Variants in LCK observed in about 807,000 individuals in gnomAD.
The protein encoded by LCK is tyrosine-protein kinase Lck.
In LCK, 14 loss-of-function variants were observed where a neutral mutation model predicts 64.6. That is an observed-to-expected ratio of 0.22 (90% confidence interval 0.14 to 0.34). LCK has a LOEUF of 0.34. LCK is among the 10% of genes least tolerant of loss of function. The pLI is 1.00. For missense variants in LCK, 434 were observed against 668.1 expected (o/e 0.65, Z 3.86); for synonymous variants, 277 against 263.6 (o/e 1.05, Z -0.49).
rs935595513 is a variant in LCK, at chr1:32,276,246, C to T, written c.632-91C>T. The T allele has an allele frequency of 4.0e-6, 6 of 1,494,240 alleles. No homozygotes were observed. The African/African-American group carries it at 5.6e-5, about 14-fold the overall frequency. 92.6% of individuals were successfully genotyped at this position (1,494,240 alleles called of 1,614,324 possible). On this transcript the variant is annotated intron_variant, in intron 7 of 12. Transcript: ENST00000336890. This position sits in a 1 kb window ranked among gnomAD's most constrained non-coding sequence, Gnocchi z 4.6. The stretch of plus-strand genomic sequence containing the variant: ...CCCACACCCCCTTGCTAGTCCACTT[C>T]ACCTAGATGGGGGCTTGGAGAAGTG...
At chr1:32,284,313 AGAGATATATATATGT>A (rs1640554013) in intron 12 of LCK, among the ~76,000 whole-genome samples, 1 of 147,720 alleles carries the variant, frequency 6.8e-6, no homozygotes, top group Admixed American at 6.8e-5. Flanking sequence ...TATATCTGTG[AGAGATATATATATGT>A]GAGATATATA....
chr1:32,280,517 G>A (rs1369886466), intron 12 of LCK, among the ~76,000 whole-genome samples: 4 of 132,770 alleles, frequency 3.0e-5, no homozygotes, highest in Non-Finnish European at 4.6e-5. Context: ...GTGCAGTGGC[G>A]CCATCTTGGA....
chr1:32,285,879 G>C lies in LCK; in HGVS notation c.*163G>C. ...CACCTTGTGTCTGTACACGTGTCCT[G>C]TAGTTGCGTGGACTCTGCACATGTC... is the stretch of plus-strand genomic sequence containing the variant. On this transcript the variant is annotated 3_prime_UTR_variant, in exon 13 of 13. Coordinates refer to ENST00000336890, the MANE Select transcript of LCK (RefSeq NM_005356.5). The C allele has an allele frequency of 5.8e-6, 4 of 694,832 alleles. No homozygotes were observed. The highest frequency in any genetic ancestry group is 9.8e-6 in the Non-Finnish European group (4 of 409,728). 43.0% of individuals were successfully genotyped at this position (694,832 alleles called of 1,614,324 possible).
chr1:32,279,950 G>A lies in LCK; in HGVS notation c.1151G>A (p.Gly384Asp). The A allele has an allele frequency of 6.2e-7, 1 of 1,614,184 alleles. No individual in the cohort carries two copies. The highest frequency in any genetic ancestry group is 8.5e-7 in the Non-Finnish European group (1 of 1,180,040). Residue 384 changes from glycine (G) to aspartate (D), a missense_variant, in exon 11 of 13, where the codon GGC (glycine) becomes GAC (aspartate). This residue lies in a region of LCK where 201 missense variants were observed against 376.9 expected (regional missense o/e 0.53). Coordinates refer to ENST00000336890, the MANE Select transcript of LCK (RefSeq NM_005356.5). ...CTGAGCTGCAAGATTGCAGACTTTG[G>A]CCTAGCACGCCTCATTGAGGACAAC... ...DTLSCKIADF[G>D]LARLIEDNEY...
intron 12 of LCK, 82 bp downstream of exon 12, chr1:32,280,292 A>C: frequency 6.4e-7 from 1 of 1,563,390 alleles, no homozygotes; most frequent in Non-Finnish European, 8.7e-7. Context: ...CAGTCTCAGA[A>C]TCTGAAACTT....
chr1:32,275,845 T>TG lies in LCK; in HGVS notation c.482-64dup, dbSNP rs1373187625. 1.3e-6 allele frequency: 2 copies of TG among 1,558,540 alleles called. No individual in the cohort carries two copies. Among genetic ancestry groups the TG allele is most frequent in the African/African-American group, 3.1e-5 (2 of 64,322 alleles). ...TTGGGGGTGCTGGGTGAGCCCAAGG[T>TG]GGGGGCGCGGTGGCGGGCCAGACTC... On this transcript the variant is annotated intron_variant, in intron 6 of 12. Transcript: ENST00000336890. This position sits in a 1 kb window ranked among gnomAD's most constrained non-coding sequence, Gnocchi z 6.9.
intron 1 of LCK, among the ~76,000 whole-genome samples, chr1:32,273,959 G>C (rs898272934): frequency 6.6e-6 from 1 of 152,166 alleles, no homozygotes; most frequent in African/African-American, 2.4e-5. Context: ...GAAAGTGTGT[G>C]TCATCTCTAG....
intron 12 of LCK, among the ~76,000 whole-genome samples, chr1:32,282,351 G>C (rs1043174182): frequency 6.6e-6 from 1 of 152,184 alleles, no homozygotes; most frequent in Non-Finnish European, 1.5e-5. Context: ...GGGAGAAATG[G>C]GGACCTTGGT....
At position 32,285,391 on chromosome 1, in the gene LCK, G is replaced by A. The variant is rs11576040; in HGVS notation, c.1328-123G>A. 500 of 860,634 alleles carry A rather than the reference G, an allele frequency of 5.8e-4. 1 individual carries two copies. Among genetic ancestry groups the A allele is most frequent in the Non-Finnish European group, 8.3e-4 (423 of 509,224 alleles). The allele number at this position is 860,634 out of a possible 1,614,324, so 53.3% of individuals were successfully genotyped here. A position where few individuals can be genotyped will look rare whatever the true frequency, so the allele number is the denominator to read the frequency against. On this transcript the variant is annotated intron_variant, in intron 12 of 12. Coordinates refer to ENST00000336890, the MANE Select transcript of LCK (RefSeq NM_005356.5). ...GTACCTCTAGTGTGACCTTACCATT[G>A]ATGAAGACCAAGATTCTTTTGGATT...
chr1:32,268,499 A>AATG (rs1175039906), intron 1 of LCK, among the ~76,000 whole-genome samples: 2 of 151,678 alleles, frequency 1.3e-5, no homozygotes, highest in Non-Finnish European at 2.9e-5. Context: ...TAATAATAAT[A>AATG]ATAAGAGGCT....
intron 1 of LCK, among the ~76,000 whole-genome samples, chr1:32,266,647 CCTCCTCCCCCTCCTCATCCCT>C (rs1206965834): frequency 1.6e-5 from 2 of 126,250 alleles, no homozygotes; most frequent in East Asian, 2.6e-4. Context: ...TCCTCCTCTT[CCTCCTCCCCCTCCTCATCCCT>C]CTCCTCCCCC....
Position 32,280,013 on chromosome 1 carries a change from G to A in LCK, c.1195+19G>A. 1 of 1,614,018 alleles carries A rather than the reference G, an allele frequency of 6.2e-7. No individual in the cohort carries two copies. Among genetic ancestry groups the A allele is most frequent in the Non-Finnish European group, 8.5e-7 (1 of 1,179,934 alleles). ...AGGGAGGGTACGTGTGAGATTTAAG[G>A]GTGGTCTGGGCCCTGCAGGGTCTGG... On this transcript the variant is annotated intron_variant, in intron 11 of 12. Transcript: ENST00000336890.
At position 32,279,985 on chromosome 1, in the gene LCK, G is replaced by T; in HGVS notation, c.1186G>T (p.Ala396Ser). ...ARLIEDNEYTAREGAKFPIKW... is the reference protein window; with the variant it reads ...ARLIEDNEYTSREGAKFPIKW... ...CCTCATTGAGGACAACGAGTACACA[G>T]CCAGGGAGGGTACGTGTGAGATTTA... is the stretch of plus-strand genomic sequence containing the variant. The change falls in exon 11 of 13, where the codon GCC becomes TCC. Residue 396 changes from alanine (A) to serine (S), a missense_variant. Ala to Ser is a moderately conservative substitution (Grantham distance 99). Coordinates refer to ENST00000336890, the MANE Select transcript of LCK (RefSeq NM_005356.5). 6.2e-7 allele frequency: 1 copy of T among 1,614,192 alleles called. No individual in the cohort carries two copies. The highest frequency in any genetic ancestry group is 8.5e-7 in the Non-Finnish European group (1 of 1,180,034).
rs78341502 is a variant in LCK at position 32,252,459 on chromosome 1, T to C, written c.-6+1088T>C. On this transcript the variant is annotated intron_variant, in intron 1 of 12. Transcript: ENST00000336890. ...AGATTTCCAGGTTTCCCCTGCTTCG[T>C]TGGAGTTTTTCTTGACACACACTTT... Among the ~76,000 whole-genome samples the C allele has an allele frequency of 4.9e-3, 744 of 152,330 alleles. 3 individuals carry two copies. Among genetic ancestry groups the C allele is most frequent in the African/African-American group, 0.017 (703 of 41,562 alleles).
Position 32,275,951 on chromosome 1 carries a change from C to G in LCK, c.519C>G (p.Asn173Lys). Residue 173 changes from asparagine to lysine, a missense_variant, in exon 7 of 13, where the codon AAC becomes AAG. Around this residue, in one of 2 missense-constraint regions of LCK, gnomAD observed 233 missense variants for 291.2 expected, o/e 0.80. Coordinates refer to ENST00000336890, the MANE Select transcript of LCK (RefSeq NM_005356.5). This position sits in a 1 kb window ranked among gnomAD's most constrained non-coding sequence, Gnocchi z 6.9. ...TGTCGGTCCGGGACTTCGACCAGAACCAGGGAGAGGTGGTGAAACATTACA... is the reference window on the plus strand; with the variant it reads ...TGTCGGTCCGGGACTTCGACCAGAAGCAGGGAGAGGTGGTGAAACATTACA... ...FSLSVRDFDQNQGEVVKHYKI... is the reference protein window; with the variant it reads ...FSLSVRDFDQKQGEVVKHYKI... The G allele has an allele frequency of 6.2e-7, 1 of 1,614,168 alleles. No homozygotes were observed. Among genetic ancestry groups the G allele is most frequent in the Non-Finnish European group, 8.5e-7 (1 of 1,180,016 alleles).
intron 12 of LCK, among the ~76,000 whole-genome samples, chr1:32,283,876 A>ATTAT (rs773652763): frequency 6.6e-6 from 1 of 151,622 alleles, no homozygotes; most frequent in Non-Finnish European, 1.5e-5. Flanking sequence ...GGTGCCCTTT[A>ATTAT]TTATTTATTT....
chr1:32,258,821 A>C (rs1042265592), intron 1 of LCK, among the ~76,000 whole-genome samples: 34 of 150,818 alleles, frequency 2.3e-4, no homozygotes, highest in African/African-American at 7.5e-4. Context: ...AAAAAAAAAA[A>C]AACCCAGCCT....
intron 1 of LCK, among the ~76,000 whole-genome samples, chr1:32,255,346 G>A (rs1569895570): frequency 6.6e-6 from 1 of 152,156 alleles, no homozygotes; most frequent in African/African-American, 2.4e-5. Flanking sequence ...TGCAAATAAA[G>A]GCTTAGCACA....
At chr1:32,261,993 G>A (rs1164460562) in intron 1 of LCK, among the ~76,000 whole-genome samples, 2 of 143,348 alleles carry the variant, frequency 1.4e-5, no homozygotes, top group Non-Finnish European at 3.0e-5. Flanking sequence ...TCCTGCCTCA[G>A]CCTCCCAAGT....
Sources: allele counts gnomAD v4.1 joint callset (sites outside exome capture counted in the v4.1 genomes callset), GRCh38; gene constraint gnomAD v4.1.1; regional missense constraint gnomAD v4.1.1; non-coding constraint Gnocchi (gnomAD v3.1); transcripts MANE v1.5; gene names NCBI Gene and HGNC (gene_info 2026-07-23, HGNC 2026-07-21).